The following RPS6KA2 variants were observed in gnomAD, a reference collection of about 807,000 sequenced individuals.
RPS6KA2 encodes the protein ribosomal protein S6 kinase alpha-2.
RPS6KA2 carries 42 observed loss-of-function variants against 91.8 expected under a neutral mutation model. The ratio of observed to expected loss-of-function variants is 0.46; its 90% CI spans 0.36 to 0.59. The LOEUF (loss-of-function observed/expected upper bound fraction) is 0.59. RPS6KA2 is among the 20% of genes least tolerant of loss of function. RPS6KA2 has a pLI of 0.00. For synonymous variants in RPS6KA2, 414 were observed against 393.6 expected, an observed-to-expected ratio of 1.05 and a Z score of -0.61; for missense variants, 798 against 978.5, an observed-to-expected ratio of 0.82 and a Z score of 2.46.
chr6:166,739,644 C>A lies in RPS6KA2; in HGVS notation c.123+118556G>T, dbSNP rs150215001. 4.3e-3 allele frequency among the ~76,000 whole-genome samples: 658 copies of A among 152,288 alleles called. 5 individuals carry two copies. The highest frequency in any genetic ancestry group is 0.015 in the African/African-American group (635 of 41,554). ...ATTCAGGAATATCAGGTTAAGGGGA[C>A]CCCACGGTCATTGAGACCAATCACA... On this transcript the variant is annotated intron_variant, in intron 2 of 21. Transcript: ENST00000503859.
chr6:166,429,493 C>T (rs1779049778), intron 16 of RPS6KA2, among the ~76,000 whole-genome samples: 1 of 152,078 alleles, frequency 6.6e-6, no homozygotes, highest in African/African-American at 2.4e-5. Flanking sequence ...CTCTGTCGCC[C>T]ACGCTGAAGT....
intron 17 of RPS6KA2, among the ~76,000 whole-genome samples, chr6:166,421,398 T>C (rs1778714538): frequency 6.6e-6 from 1 of 152,228 alleles, no homozygotes; most frequent in African/African-American, 2.4e-5. Flanking sequence ...AAGCAGCAGA[T>C]GCAGGAGAGC....
chr6:166,773,710 A>G (rs1778540346), intron 2 of RPS6KA2, among the ~76,000 whole-genome samples: 1 of 152,204 alleles, frequency 6.6e-6, no homozygotes, highest in African/African-American at 2.4e-5. Flanking sequence ...GCAATCTGCT[A>G]CTGTCCCCTT....
In RPS6KA2 at chr6:166,493,747, C is replaced by A. The variant is rs896526571; in HGVS notation, c.748-3006G>T. Among the ~76,000 whole-genome samples, 5 of 152,202 alleles carry A rather than the reference C, an allele frequency of 3.3e-5. No homozygotes were observed. The East Asian group carries it at 9.6e-4, about 29-fold the overall frequency. On this transcript the variant is annotated intron_variant, in intron 8 of 20. Transcript: ENST00000265678. The surrounding 1 kb of genome is among the most constrained non-coding windows in gnomAD (Gnocchi z 4.7). Reference sequence around the variant, plus strand: ...ACCGTTGCCTGCCAGGGGACATTTCCGGCTGTCATGCCCGGGAGCCCTGGT... The same window carrying A: ...ACCGTTGCCTGCCAGGGGACATTTCAGGCTGTCATGCCCGGGAGCCCTGGT...
rs538768651 is a variant in RPS6KA2 at position 166,471,083 on chromosome 6, C to T, written c.908-1178G>A. Among the ~76,000 whole-genome samples, 292 of 152,330 alleles carry T rather than the reference C, an allele frequency of 1.9e-3. 1 individual carries two copies. The highest frequency in any genetic ancestry group is 6.8e-3 in the African/African-American group (281 of 41,570). On this transcript the variant is annotated intron_variant, in intron 10 of 20. Coordinates refer to ENST00000265678, the MANE Select transcript of RPS6KA2 (RefSeq NM_021135.6). The stretch of plus-strand genomic sequence containing the variant: ...CTGTTCTGCAAGCTGTGTTCCTTTC[C>T]GCTGCCAACTCCTAACGGCTGTGCT...
intron 2 of RPS6KA2, among the ~76,000 whole-genome samples, chr6:166,823,254 G>T (rs1034544202): frequency 1.3e-5 from 2 of 152,186 alleles, no homozygotes; most frequent in African/African-American, 4.8e-5. Context: ...AGATGTAGAA[G>T]GAGACCACAT....
At chr6:166,504,364 C>T (rs370216877) in intron 6 of RPS6KA2, 142 bp downstream of exon 6, 118 of 558,026 alleles carry the variant, frequency 2.1e-4, no homozygotes, top group African/African-American at 1.7e-3. Context: ...CCGGTCCTGC[C>T]GGCACAAGAG....
intron 1 of RPS6KA2, among the ~76,000 whole-genome samples, chr6:166,558,722 C>A (rs1784249912): frequency 6.6e-6 from 1 of 152,146 alleles, no homozygotes; most frequent in South Asian, 2.1e-4. Flanking sequence ...AAGTGGCAAA[C>A]CGTGAGAAGT....
rs1583203303 is a variant in RPS6KA2 at position 166,493,397 on chromosome 6, C to T, written c.748-2656G>A. 2.0e-5 allele frequency among the ~76,000 whole-genome samples: 3 copies of T among 152,288 alleles called. 1 individual carries two copies. The South Asian group carries it at 6.2e-4, about 32-fold the overall frequency. On this transcript the variant is annotated intron_variant, in intron 8 of 20. Coordinates refer to ENST00000265678, the MANE Select transcript of RPS6KA2 (RefSeq NM_021135.6). This position sits in a 1 kb window ranked among gnomAD's most constrained non-coding sequence, Gnocchi z 4.7. ...GGAACTTTCCAGTGCCGAAGCATTA[C>T]TGACTGAGGTTTTGCTGATGAGTTT...
At chr6:166,451,785 C>T (rs9355581) in intron 12 of RPS6KA2, among the ~76,000 whole-genome samples, 39,091 of 152,164 alleles carry the variant, frequency 0.26, 5,222 homozygotes, top group Middle Eastern at 0.36. Flanking sequence ...AGGCATAGTA[C>T]GAAAGGAGTA....
chr6:166,830,433 A>T (rs1780157828), intron 2 of RPS6KA2, among the ~76,000 whole-genome samples: 1 of 152,186 alleles, frequency 6.6e-6, no homozygotes, highest in Non-Finnish European at 1.5e-5. Context: ...CTGGAGGTGG[A>T]TGGTGGTGAT....
chr6:166,616,023 C>A (rs1786397272), intron 1 of RPS6KA2, among the ~76,000 whole-genome samples: 1 of 152,136 alleles, frequency 6.6e-6, no homozygotes, highest in African/African-American at 2.4e-5. Context: ...AGTCCCTGCG[C>A]TAGGCCTCTA....
rs1786901629 is a variant in RPS6KA2 at position 166,626,900 on chromosome 6, C to T, written c.99+21G>A. ...CCGCTCAGTGCCCGGCACCTGCGCG[C>T]CCCGAGGGCGGCCGCATTACCTCGA... is the stretch of plus-strand genomic sequence containing the variant. On this transcript the variant is annotated intron_variant, in intron 1 of 20. Coordinates refer to ENST00000265678, the MANE Select transcript of RPS6KA2 (RefSeq NM_021135.6). The surrounding 1 kb of genome is among the most constrained non-coding windows in gnomAD (Gnocchi z 4.1). 3 of 1,480,580 alleles carry T rather than the reference C, an allele frequency of 2.0e-6. No individual in the cohort carries two copies. In the African/African-American group the frequency reaches 4.3e-5, roughly 21 times the overall value. The allele number at this position is 1,480,580 out of a possible 1,614,324, so 91.7% of individuals were successfully genotyped here. A position where few individuals can be genotyped will look rare whatever the true frequency, so the allele number is the denominator to read the frequency against.
intron 2 of RPS6KA2, among the ~76,000 whole-genome samples, chr6:166,711,216 C>T (rs1056874703): frequency 1.3e-5 from 2 of 150,554 alleles, no homozygotes; most frequent in South Asian, 2.1e-4. Flanking sequence ...AGGAATAGCC[C>T]CACAACTTCC....
At chr6:166,823,433 C>T (rs1050964532) in intron 2 of RPS6KA2, among the ~76,000 whole-genome samples, 5 of 75,934 alleles carry the variant, frequency 6.6e-5, no homozygotes, top group Non-Finnish European at 1.1e-4. Context: ...ATTGGTTTTG[C>T]AGTGTGTGTG....
rs1463075829 is a variant in RPS6KA2 at position 166,662,528 on chromosome 6, G to A, written c.124-123744C>T. Reference sequence around the variant, plus strand: ...TTTGGAAAGAGTCTCTTAGCATTATGAGGGTTATTTATGTTATGAACACCA... The same window carrying A: ...TTTGGAAAGAGTCTCTTAGCATTATAAGGGTTATTTATGTTATGAACACCA... On this transcript the variant is annotated intron_variant, in intron 2 of 21. Coordinates refer to the RPS6KA2 transcript ENST00000503859. The surrounding 1 kb of genome is among the most constrained non-coding windows in gnomAD (Gnocchi z 4.3). 6.6e-6 allele frequency among the ~76,000 whole-genome samples: 1 copy of A among 152,190 alleles called. No homozygotes were observed. Among genetic ancestry groups the A allele is most frequent in the African/African-American group, 2.4e-5 (1 of 41,456 alleles).
chr6:166,634,207 T>C (rs749875075), intron 2 of RPS6KA2, among the ~76,000 whole-genome samples: 15 of 152,216 alleles, frequency 9.9e-5, no homozygotes, highest in Non-Finnish European at 1.8e-4. Flanking sequence ...GAGGTGCCCC[T>C]GTGACAGTCT....
rs112867502 is a variant in RPS6KA2 at position 166,748,010 on chromosome 6, G to C, written c.123+110190C>G. On this transcript the variant is annotated intron_variant, in intron 2 of 21. Coordinates refer to the RPS6KA2 transcript ENST00000503859. ...TGCCCATGCCAGTGAATGTGCCAACGGTCCCTGTAGATCTGCAGGAGCCTG... is the reference window on the plus strand; with the variant it reads ...TGCCCATGCCAGTGAATGTGCCAACCGTCCCTGTAGATCTGCAGGAGCCTG... Among the ~76,000 whole-genome samples the C allele has an allele frequency of 6.2e-4, 94 of 152,282 alleles. 1 individual carries two copies. In the South Asian group the frequency reaches 7.3e-3, roughly 12 times the overall value.
rs544007662 is a variant in RPS6KA2 at position 166,508,624 on chromosome 6, G to A, written c.380-342C>T. On this transcript the variant is annotated intron_variant, in intron 4 of 20. Coordinates refer to ENST00000265678, the MANE Select transcript of RPS6KA2 (RefSeq NM_021135.6). The surrounding 1 kb of genome is among the most constrained non-coding windows in gnomAD (Gnocchi z 4.3). ...GCTGGTATCGTTGCTGGCTTTTGTC[G>A]TAATGCATTAGTGAGCAGCCTGAAG... is the stretch of plus-strand genomic sequence containing the variant. 6.6e-5 allele frequency among the ~76,000 whole-genome samples: 10 copies of A among 152,120 alleles called. No homozygotes were observed. The highest frequency in any genetic ancestry group is 4.8e-5 in the African/African-American group (2 of 41,416).
Sources: allele counts gnomAD v4.1 joint callset (sites outside exome capture counted in the v4.1 genomes callset), GRCh38; gene constraint gnomAD v4.1.1; non-coding constraint Gnocchi (gnomAD v3.1); transcripts MANE v1.5; gene names NCBI Gene and HGNC (gene_info 2026-07-23, HGNC 2026-07-21).